Variants in SPSB4 observed in about 807,000 individuals in gnomAD.
SPSB4 encodes the protein SPRY domain-containing SOCS box protein 4.
Under a neutral mutation model 20.9 loss-of-function variants are expected in SPSB4, and 21 were observed. That is an observed-to-expected ratio of 1.01 (90% confidence interval 0.71 to 1.45). The LOEUF (loss-of-function observed/expected upper bound fraction) is 1.45, where lower values mean the gene tolerates loss of function less well. Among genes scored for constraint, SPSB4 ranks in the 40% most tolerant of loss-of-function variants. The pLI is 0.00. For missense variants in SPSB4, 399 were observed against 399.2 expected (o/e 1.00, Z 0.00); for synonymous variants, 207 against 183.8 (o/e 1.13, Z -1.02).
At chr3:141,056,318 A>T (rs1200949129) in intron 1 of SPSB4, among the ~76,000 whole-genome samples, 3 of 152,188 alleles carry the variant, frequency 2.0e-5, no homozygotes, top group Non-Finnish European at 4.4e-5. Flanking sequence ...TTCAGGAGAC[A>T]TCTACCTGTT....
intron 2 of SPSB4, among the ~76,000 whole-genome samples, chr3:141,069,339 C>G (rs961337353): frequency 1.3e-5 from 2 of 152,132 alleles, no homozygotes; most frequent in African/African-American, 4.8e-5. Context: ...ATGCCTATAG[C>G]CTGTGTCCTG....
At chr3:141,052,439 ACACT>A (rs1368872959) in intron 1 of SPSB4, among the ~76,000 whole-genome samples, 2 of 152,188 alleles carry the variant, frequency 1.3e-5, no homozygotes, top group Non-Finnish European at 2.9e-5. Flanking sequence ...CACACAGGAA[ACACT>A]CAATCATATG....
At position 141,088,293 on chromosome 3, in the gene SPSB4, A is replaced by T. The variant is rs529566445; in HGVS notation, c.694+21495A>T. ...GCGTACATCCATGCTACAAAGAATA[A>T]TGCTGGAAGGTATATTCCAAACAGG... On this transcript the variant is annotated intron_variant, in intron 2 of 2. Coordinates refer to ENST00000310546, the MANE Select transcript of SPSB4 (RefSeq NM_080862.3). Among the ~76,000 whole-genome samples the T allele has an allele frequency of 1.4e-3, 214 of 152,350 alleles. 1 individual carries two copies. Among genetic ancestry groups the T allele is most frequent in the Admixed American group, 1.8e-3 (27 of 15,306 alleles).
intron 2 of SPSB4, among the ~76,000 whole-genome samples, chr3:141,114,431 C>A (rs190947343): frequency 5.6e-4 from 86 of 152,346 alleles, no homozygotes; most frequent in Admixed American, 1.8e-3. Flanking sequence ...GCGCAGGTGC[C>A]TGTCCTCTAC....
intron 1 of SPSB4, among the ~76,000 whole-genome samples, chr3:141,056,164 C>T (rs564368671): frequency 5.3e-5 from 8 of 152,310 alleles, no homozygotes; most frequent in South Asian, 2.1e-4. Flanking sequence ...TGGTGGGAGA[C>T]GCTGGAGCAG....
rs531837814 is a variant in SPSB4, at chr3:141,069,364, A to G, written c.694+2566A>G. ...CCTGTGTCCTGGGCTGAAGTCCACC[A>G]TGAATCCCTGGGTTTGGGACTAGTT... On this transcript the variant is annotated intron_variant, in intron 2 of 2. Coordinates refer to ENST00000310546, the MANE Select transcript of SPSB4 (RefSeq NM_080862.3). Among the ~76,000 whole-genome samples the G allele has an allele frequency of 7.2e-5, 11 of 152,306 alleles. No homozygotes were observed. In the South Asian group the frequency reaches 2.3e-3, roughly 32 times the overall value.
chr3:141,123,231 T>C (rs1938997316), intron 2 of SPSB4, among the ~76,000 whole-genome samples: 1 of 152,234 alleles, frequency 6.6e-6, no homozygotes, highest in Admixed American at 6.5e-5. Flanking sequence ...TATTTACCCC[T>C]TTATAATTTA....
At chr3:141,126,316 G>T (rs1206978701) in intron 2 of SPSB4, among the ~76,000 whole-genome samples, 1 of 152,106 alleles carries the variant, frequency 6.6e-6, no homozygotes, top group Non-Finnish European at 1.5e-5. Flanking sequence ...CACTGCAGCA[G>T]CCCAGGTCCC....
At chr3:141,054,822 C>T (rs9784359) in intron 1 of SPSB4, among the ~76,000 whole-genome samples, 140,066 of 152,308 alleles carry the variant, frequency 0.92, 65,444 homozygotes, top group Non-Finnish European at 1. Context: ...AAAATTAGCC[C>T]GGCGTGGCGG....
intron 2 of SPSB4, among the ~76,000 whole-genome samples, chr3:141,078,755 G>T (rs1385605797): frequency 6.6e-6 from 1 of 152,172 alleles, no homozygotes; most frequent in East Asian, 1.9e-4. Context: ...CAAAAGCCAG[G>T]CCCTCCGCTG....
chr3:141,098,150 C>T (rs754141010), intron 2 of SPSB4, among the ~76,000 whole-genome samples: 30 of 152,206 alleles, frequency 2.0e-4, no homozygotes, highest in Non-Finnish European at 3.7e-4. Flanking sequence ...AGTCCTTCAC[C>T]GGTACCAAGT....
chr3:141,081,660 A>G (rs1037098171), intron 2 of SPSB4, among the ~76,000 whole-genome samples: 1 of 151,502 alleles, frequency 6.6e-6, no homozygotes, highest in African/African-American at 2.4e-5. Context: ...GGGGAGGGGC[A>G]GCTGTGCAGA....
intron 2 of SPSB4, among the ~76,000 whole-genome samples, chr3:141,118,211 T>C (rs1359853081): frequency 6.6e-6 from 1 of 152,252 alleles, no homozygotes; most frequent in Non-Finnish European, 1.5e-5. Flanking sequence ...TGGTATCTCA[T>C]TGTGGTTTTG....
intron 1 of SPSB4, among the ~76,000 whole-genome samples, chr3:141,062,185 C>T (rs1183526667): frequency 5.3e-5 from 8 of 152,136 alleles, no homozygotes; most frequent in Non-Finnish European, 7.4e-5. Context: ...GTGGGATGGC[C>T]TCCAGATGGA....
intron 2 of SPSB4, among the ~76,000 whole-genome samples, chr3:141,097,094 G>A (rs1253232658): frequency 6.6e-6 from 1 of 152,174 alleles, no homozygotes; most frequent in African/African-American, 2.4e-5. Context: ...GTCTGTGATG[G>A]TGACTAGAAT....
At position 141,105,766 on chromosome 3, in the gene SPSB4, T is replaced by C. The variant is rs144892892; in HGVS notation, c.694+38968T>C. ...ACACAATGTAAGTAATCATAATTCT[T>C]TTCTTTGCCTTCAAAGTTATAATAA... On this transcript the variant is annotated intron_variant, in intron 2 of 2. Coordinates refer to ENST00000310546, the MANE Select transcript of SPSB4 (RefSeq NM_080862.3). Among the ~76,000 whole-genome samples the C allele has an allele frequency of 3.1e-4, 47 of 152,350 alleles. 1 individual carries two copies. In the East Asian group the frequency reaches 8.7e-3, roughly 28 times the overall value.
intron 1 of SPSB4, among the ~76,000 whole-genome samples, chr3:141,056,599 T>G (rs1184386607): frequency 1.3e-5 from 2 of 152,256 alleles, no homozygotes; most frequent in East Asian, 3.9e-4. Context: ...TTATACCAAG[T>G]GGAGAAGGTT....
intron 2 of SPSB4, among the ~76,000 whole-genome samples, chr3:141,077,759 A>T (rs1353724004): frequency 1.3e-5 from 2 of 152,218 alleles, no homozygotes; most frequent in African/African-American, 4.8e-5. Context: ...GTGCTTATGC[A>T]GAGGCCAGGC....
chr3:141,071,636 C>G (rs1267941162), intron 2 of SPSB4, among the ~76,000 whole-genome samples: 1 of 152,166 alleles, frequency 6.6e-6, no homozygotes, highest in African/African-American at 2.4e-5. Context: ...AGCTCTGCCT[C>G]CTATGCCTGG....
Sources: allele counts gnomAD v4.1 joint callset (sites outside exome capture counted in the v4.1 genomes callset), GRCh38; gene constraint gnomAD v4.1.1; transcripts MANE v1.5; gene names NCBI Gene and HGNC (gene_info 2026-07-23, HGNC 2026-07-21).